Variants in MARCHF1 observed in about 807,000 individuals in gnomAD.
The protein encoded by MARCHF1 is E3 ubiquitin-protein ligase MARCHF1.
A neutral mutation model predicts 54.2 loss-of-function variants in MARCHF1; 40 were observed. The observed-to-expected ratio is 0.74, with a 90% CI of 0.57 to 0.96. The LOEUF (loss-of-function observed/expected upper bound fraction) is 0.96. Among genes scored for constraint, MARCHF1 ranks in the 40% least tolerant of loss-of-function variants. The pLI, the probability that MARCHF1 is intolerant of heterozygous loss-of-function variation, is 0.00. For synonymous variants in MARCHF1, 236 were observed against 236.3 expected, an observed-to-expected ratio of 1.00 and a Z score of 0.01; for missense variants, 586 against 656.5, an observed-to-expected ratio of 0.89 and a Z score of 1.17.
intron 3 of MARCHF1, among the ~76,000 whole-genome samples, chr4:163,905,399 T>A (rs1751043529): frequency 6.6e-6 from 1 of 152,106 alleles, no homozygotes; most frequent in Non-Finnish European, 1.5e-5. Flanking sequence ...TCCAGACTGT[T>A]TATCTACAGC....
intron 8 of MARCHF1, among the ~76,000 whole-genome samples, chr4:163,567,623 A>C (rs555551145): frequency 6.6e-6 from 1 of 152,252 alleles, no homozygotes; most frequent in Non-Finnish European, 1.5e-5. Flanking sequence ...GGTTTTATAA[A>C]GGGGAGTTTC....
chr4:164,242,650 G>C (rs1432106137), intron 1 of MARCHF1, among the ~76,000 whole-genome samples: 1 of 141,826 alleles, frequency 7.1e-6, no homozygotes, highest in Non-Finnish European at 1.5e-5. Context: ...TGAGCTGTGA[G>C]AAGAAGGTTT....
intron 2 of MARCHF1, among the ~76,000 whole-genome samples, 199 bp downstream of exon 2, chr4:164,111,389 T>G (rs1235781680): frequency 6.6e-6 from 1 of 151,618 alleles, no homozygotes; most frequent in African/African-American, 2.4e-5. Context: ...GGAAACAGAG[T>G]TAATCTAAGA....
At chr4:163,969,117 G>GA (rs1164873846) in intron 3 of MARCHF1, among the ~76,000 whole-genome samples, 2 of 152,066 alleles carry the variant, frequency 1.3e-5, no homozygotes, top group African/African-American at 4.8e-5. Context: ...TGCTTCTCTT[G>GA]ACAAAAAAGA....
chr4:163,698,264 A>G (rs529814634), intron 5 of MARCHF1, among the ~76,000 whole-genome samples: 308 of 152,292 alleles, frequency 2.0e-3, no homozygotes, highest in African/African-American at 7.2e-3. Context: ...TTCCTCTCCA[A>G]TGCTTTACAA....
intron 1 of MARCHF1, among the ~76,000 whole-genome samples, chr4:164,354,407 T>C (rs1168303329): frequency 2.9e-5 from 4 of 135,978 alleles, no homozygotes; most frequent in Non-Finnish European, 4.8e-5. Flanking sequence ...TCAAAAAGCT[T>C]ATCCACCATG....
chr4:163,834,328 T>C (rs1749115737), intron 4 of MARCHF1, among the ~76,000 whole-genome samples: 1 of 152,100 alleles, frequency 6.6e-6, no homozygotes, highest in African/African-American at 2.4e-5. Context: ...ATGCTCTTTG[T>C]CCTTCCAAAT....
intron 3 of MARCHF1, among the ~76,000 whole-genome samples, chr4:163,859,406 G>C (rs530084549): frequency 3.3e-5 from 5 of 150,646 alleles, no homozygotes; most frequent in Admixed American, 1.3e-4. Flanking sequence ...CGTTCCCCAG[G>C]TTGAGTGCAA....
intron 3 of MARCHF1, among the ~76,000 whole-genome samples, chr4:163,867,393 A>T (rs1174796078): frequency 2.6e-5 from 4 of 151,948 alleles, no homozygotes; most frequent in Non-Finnish European, 5.9e-5. Flanking sequence ...GGCAACACTA[A>T]ATATACGGAG....
At chr4:164,161,894 T>C (rs894210039) in intron 1 of MARCHF1, among the ~76,000 whole-genome samples, 2 of 152,128 alleles carry the variant, frequency 1.3e-5, no homozygotes, top group African/African-American at 2.4e-5. Flanking sequence ...CCTTGACACA[T>C]AGTTCACTGA....
intron 5 of MARCHF1, among the ~76,000 whole-genome samples, chr4:163,691,859 C>G (rs1744468040): frequency 6.6e-6 from 1 of 152,128 alleles, no homozygotes; most frequent in African/African-American, 2.4e-5. Flanking sequence ...GGCTGATGAT[C>G]ATAGCTACTC....
At chr4:163,843,296 T>C (rs1304526656) in intron 4 of MARCHF1, among the ~76,000 whole-genome samples, 1 of 152,176 alleles carries the variant, frequency 6.6e-6, no homozygotes, top group Admixed American at 6.6e-5. Flanking sequence ...TCCCTGTCTT[T>C]GATATTGTGA....
intron 4 of MARCHF1, among the ~76,000 whole-genome samples, chr4:163,821,898 ACT>A (rs1748703067): frequency 1.3e-5 from 2 of 151,954 alleles, no homozygotes; most frequent in African/African-American, 4.8e-5. Context: ...CAAAACACAA[ACT>A]CTTTTGACAA....
intron 3 of MARCHF1, among the ~76,000 whole-genome samples, chr4:163,882,821 T>G (rs777047373): frequency 6.6e-6 from 1 of 151,794 alleles, no homozygotes; most frequent in Non-Finnish European, 1.5e-5. Flanking sequence ...ATACAAAAAA[T>G]TATCAGGGCG....
intron 4 of MARCHF1, among the ~76,000 whole-genome samples, chr4:163,769,349 A>G (rs756507947): frequency 2.6e-5 from 4 of 152,164 alleles, no homozygotes; most frequent in Non-Finnish European, 4.4e-5. Context: ...TATCTCTTAG[A>G]TTAGAAGAAG....
chr4:164,014,829 T>C (rs1315856320), intron 2 of MARCHF1, among the ~76,000 whole-genome samples: 2 of 152,166 alleles, frequency 1.3e-5, no homozygotes, highest in African/African-American at 4.8e-5. Context: ...CAAGTTAATA[T>C]AACAATTATA....
chr4:163,868,779 T>G (rs899381812), intron 3 of MARCHF1, among the ~76,000 whole-genome samples: 5 of 152,082 alleles, frequency 3.3e-5, no homozygotes, highest in African/African-American at 9.6e-5. Flanking sequence ...AAAAAAAATG[T>G]TTTTTGACAC....
At chr4:164,016,912 G>A (rs1753555069) in intron 2 of MARCHF1, among the ~76,000 whole-genome samples, 1 of 151,818 alleles carries the variant, frequency 6.6e-6, no homozygotes, top group African/African-American at 2.4e-5. Flanking sequence ...AACATCACAT[G>A]TACCCTATAA....
At chr4:164,170,193 A>G (rs1412547201) in intron 1 of MARCHF1, among the ~76,000 whole-genome samples, 2 of 152,156 alleles carry the variant, frequency 1.3e-5, no homozygotes, top group Admixed American at 6.5e-5. Context: ...TTTGATGAAA[A>G]TAGTAAACAC....
Sources: allele counts gnomAD v4.1 joint callset (sites outside exome capture counted in the v4.1 genomes callset), GRCh38; gene constraint gnomAD v4.1.1; transcripts MANE v1.5; gene names NCBI Gene and HGNC (gene_info 2026-07-23, HGNC 2026-07-21).